Variants in TDRD9 observed in about 807,000 individuals in gnomAD.
TDRD9 encodes tudor domain containing 9.
A neutral mutation model predicts 172.6 loss-of-function variants in TDRD9; 124 were observed. The ratio of observed to expected loss-of-function variants is 0.72; its 90% CI spans 0.62 to 0.83. The LOEUF (loss-of-function observed/expected upper bound fraction) is 0.83. TDRD9 is among the 40% of genes least tolerant of loss of function. The pLI is 0.00. For missense variants in TDRD9, 1,479 were observed against 1,714.1 expected (o/e 0.86, Z 2.42); for synonymous variants, 619 against 617.1 (o/e 1.00, Z -0.05).
intron 1 of TDRD9, among the ~76,000 whole-genome samples, chr14:103,946,881 AG>A (rs2031588520): frequency 6.6e-6 from 1 of 152,254 alleles, no homozygotes; most frequent in African/African-American, 2.4e-5. Flanking sequence ...CATTGCTGAA[AG>A]AAATTAAAAA....
At chr14:103,945,211 C>A (rs1451274782) in intron 1 of TDRD9, among the ~76,000 whole-genome samples, 1 of 152,222 alleles carries the variant, frequency 6.6e-6, no homozygotes, top group African/African-American at 2.4e-5. Flanking sequence ...ATGAGCTAGC[C>A]ACTGGAAGAG....
intron 7 of TDRD9, 65 bp from the exon 8 acceptor site, chr14:103,986,152 C>A: frequency 8.4e-7 from 1 of 1,189,456 alleles, no homozygotes; most frequent in Non-Finnish European, 1.2e-6. Context: ...CCAGTCCCAT[C>A]CAACGCCAGG....
chr14:103,977,492 C>CAAAAA lies in TDRD9; in HGVS notation c.1011+1966_1011+1970dup, dbSNP rs57634354. Among the ~76,000 whole-genome samples, 50 of 53,198 alleles carry CAAAAA rather than the reference C, an allele frequency of 9.4e-4. 2 individuals carry two copies. Among genetic ancestry groups the CAAAAA allele is most frequent in the African/African-American group, 3.7e-3 (48 of 13,130 alleles). 34.9% of individuals were successfully genotyped at this position (53,198 alleles called of 152,430 possible). A position where few individuals can be genotyped will look rare whatever the true frequency, so the allele number is the denominator to read the frequency against. On this transcript the variant is annotated intron_variant, in intron 7 of 35. Transcript: ENST00000409874. ...TGGGTGACAGAGAGAGACTCCATCT[C>CAAAAA]AAAAAAAAAAAAAAAAAAAAAAAAA...
intron 28 of TDRD9, among the ~76,000 whole-genome samples, chr14:104,028,198 A>G (rs1009678831): frequency 2.6e-5 from 4 of 152,140 alleles, no homozygotes; most frequent in African/African-American, 7.2e-5. Flanking sequence ...TTTCCTTTGG[A>G]TAAATATCCA....
At position 104,026,079 on chromosome 14, in the gene TDRD9, T is replaced by C; in HGVS notation, c.2964T>C (p.His988=). The change falls in exon 27 of 36, where the codon CAT becomes CAC. Residue 988 remains histidine, a synonymous_variant. Transcript: ENST00000409874. ...TTGTAGATTATGGCAATAAGTCTCA[T>C]GTAGATCTACATCTTTTGATGGAGA... ...VFFVDYGNKS[H]VDLHLLMEIP... 2 of 1,611,672 alleles carry C rather than the reference T, an allele frequency of 1.2e-6. No individual in the cohort carries two copies. Among genetic ancestry groups the C allele is most frequent in the South Asian group, 1.1e-5 (1 of 91,016 alleles).
At chr14:103,941,616 G>C (rs2031240525) in intron 1 of TDRD9, 2 of 1,535,012 alleles carry the variant, frequency 1.3e-6, no homozygotes, top group Non-Finnish European at 1.7e-6. Context: ...CAGAGTCTTT[G>C]TCACTATGTC....
rs79733144 is a variant in TDRD9 at position 104,033,439 on chromosome 14, C to G, written c.3510-521C>G. Among the ~76,000 whole-genome samples, 322 of 152,326 alleles carry G rather than the reference C, an allele frequency of 2.1e-3. 1 individual carries two copies. Among genetic ancestry groups the G allele is most frequent in the African/African-American group, 7.5e-3 (310 of 41,578 alleles). On this transcript the variant is annotated intron_variant, in intron 30 of 35. Transcript: ENST00000409874. The stretch of plus-strand genomic sequence containing the variant: ...GAGTCCCTGGCAGGAGATACAGAAA[C>G]AGCTTCACCAGCACTTTCACCTGCT...
Position 103,966,781 on chromosome 14 carries a change from ATAGT to A in TDRD9, c.720_723del (p.Ser241ProfsTer4), listed in dbSNP as rs765353898. 157 of 1,551,302 alleles carry A rather than the reference ATAGT, an allele frequency of 1.0e-4. No homozygotes were observed. Among genetic ancestry groups the A allele is most frequent in the Middle Eastern group, 1.7e-4 (1 of 5,990 alleles). Reference sequence around the variant, plus strand: ...GACAACTGGAGTCCTGCTTCAGAAAATAGTTAGTGCCAAGAGTTTGATGGAATTC... The same window carrying A: ...GACAACTGGAGTCCTGCTTCAGAAAATAGTGCCAAGAGTTTGATGGAATTC... On this transcript the variant is annotated frameshift_variant, in exon 5 of 36. Coordinates refer to ENST00000409874, the MANE Select transcript of TDRD9 (RefSeq NM_153046.3). LOFTEE classifies it high-confidence loss of function.
intron 8 of TDRD9, among the ~76,000 whole-genome samples, chr14:103,987,123 T>TATACACACACAC (rs1167102708): frequency 1.4e-4 from 20 of 145,684 alleles, no homozygotes; most frequent in African/African-American, 4.8e-4. Flanking sequence ...AAAAAATATA[T>TATACACACACAC]ACACACACAC....
At chr14:103,969,167 A>G (rs1165744046) in intron 5 of TDRD9, among the ~76,000 whole-genome samples, 3 of 130,402 alleles carry the variant, frequency 2.3e-5, no homozygotes, top group African/African-American at 6.0e-5. Context: ...CATTCAATAA[A>G]CTTTTTTTTT....
intron 34 of TDRD9, among the ~76,000 whole-genome samples, chr14:104,046,247 G>T (rs1441993882): frequency 2.0e-5 from 3 of 151,958 alleles, no homozygotes; most frequent in African/African-American, 4.8e-5. Context: ...GAGCCACCGC[G>T]CCTGGCCTAC....
chr14:104,020,848 A>T (rs1321608758), intron 23 of TDRD9, among the ~76,000 whole-genome samples: 1 of 152,058 alleles, frequency 6.6e-6, no homozygotes, highest in Non-Finnish European at 1.5e-5. Flanking sequence ...GGTAAACTTG[A>T]TGCTGTCTTC....
intron 9 of TDRD9, among the ~76,000 whole-genome samples, chr14:103,993,040 G>A (rs764310970): frequency 6.6e-6 from 1 of 151,364 alleles, no homozygotes; most frequent in Admixed American, 6.6e-5. Context: ...GTGTGACCCC[G>A]ATCACTGCAG....
chr14:104,039,290 A>T (rs747731005), intron 32 of TDRD9, among the ~76,000 whole-genome samples: 1 of 152,066 alleles, frequency 6.6e-6, no homozygotes. Context: ...ACACGTGGGG[A>T]TTATTTAGGA....
In TDRD9 at chr14:104,031,239, T is replaced by C; in HGVS notation, c.3414T>C (p.Asn1138=). 1 of 1,551,684 alleles carries C rather than the reference T, an allele frequency of 6.4e-7. No individual in the cohort carries two copies. Among genetic ancestry groups the C allele is most frequent in the South Asian group, 1.2e-5 (1 of 84,020 alleles). ...IRILLESFST[N]KLGTPNCKAE... Reference sequence around the variant, plus strand: ...TTTTGTTAGAGAGCTTTTCTACCAATAAACTGGGTACTCCAAACTGTAAGG... The same window carrying C: ...TTTTGTTAGAGAGCTTTTCTACCAACAAACTGGGTACTCCAAACTGTAAGG... The change falls in exon 29 of 36, where the codon AAT becomes AAC. Residue 1138 remains asparagine, a synonymous_variant. Coordinates refer to ENST00000409874, the MANE Select transcript of TDRD9 (RefSeq NM_153046.3).
At chr14:104,018,605 T>C (rs920910302) in intron 23 of TDRD9, among the ~76,000 whole-genome samples, 2 of 152,354 alleles carry the variant, frequency 1.3e-5, no homozygotes, top group Admixed American at 6.5e-5. Flanking sequence ...AAAGCAGATA[T>C]GTTTTGAATA....
chr14:103,934,430 TAG>T (rs1399664060), intron 1 of TDRD9, among the ~76,000 whole-genome samples: 2 of 151,876 alleles, frequency 1.3e-5, no homozygotes, highest in African/African-American at 2.4e-5. Context: ...GCAGCTGGAG[TAG>T]AGTGTTTGAA....
At chr14:103,950,767 G>T (rs921403549) in intron 1 of TDRD9, among the ~76,000 whole-genome samples, 1 of 152,154 alleles carries the variant, frequency 6.6e-6, no homozygotes, top group Non-Finnish European at 1.5e-5. Flanking sequence ...AGTCATTAAT[G>T]TTAAAACCCT....
chr14:103,952,190 G>GTGTGTATATATATA lies in TDRD9; in HGVS notation c.216-3473_216-3472insGTGTATATATATAT, dbSNP rs1366094210. Among the ~76,000 whole-genome samples the GTGTGTATATATATA allele has an allele frequency of 9.0e-5, 5 of 55,528 alleles. 1 individual carries two copies. Among genetic ancestry groups the GTGTGTATATATATA allele is most frequent in the South Asian group, 6.6e-4 (1 of 1,508 alleles). 36.4% of individuals were successfully genotyped at this position (55,528 alleles called of 152,430 possible). On this transcript the variant is annotated intron_variant, in intron 1 of 35. Transcript: ENST00000409874. ...TGTATATATGTGTGTGCGTGTGTGTGTATATATATATATATATATATATAT... is the reference window on the plus strand; with the variant it reads ...TGTATATATGTGTGTGCGTGTGTGTGTGTGTATATATATATATATATATATATATATATATATAT...
Sources: gnomAD v4.1 joint callset for allele counts (sites outside exome capture counted in the v4.1 genomes callset) on GRCh38, gnomAD v4.1.1 for gene constraint, MANE v1.5 for transcripts, NCBI Gene and HGNC (gene_info 2026-07-23, HGNC 2026-07-21) for gene names.